MBD4: variants seen among roughly 807,000 people sequenced by gnomAD.
The protein encoded by MBD4 is methyl-CpG binding domain 4, DNA glycosylase.
MBD4 carries 53 observed loss-of-function variants against 60.2 expected under a neutral mutation model. The observed-to-expected ratio is 0.88, with a 90% CI of 0.71 to 1.11. The LOEUF is 1.11. MBD4 is among the 50% of genes least tolerant of loss of function. MBD4 has a pLI of 0.00. For synonymous variants in MBD4, 231 were observed against 229.8 expected, an observed-to-expected ratio of 1.01 and a Z score of -0.05; for missense variants, 619 against 674.0, an observed-to-expected ratio of 0.92 and a Z score of 0.90.
chr3:129,432,409 C>T, intron 7 of MBD4, 94 bp downstream of exon 7: 2 of 1,608,480 alleles, frequency 1.2e-6, no homozygotes, highest in African/African-American at 1.3e-5. Context: ...ACTGTAATAG[C>T]ATTTGTATCC....
At chr3:129,431,744 A>G (rs2072348755) in intron 7 of MBD4, among the ~76,000 whole-genome samples, 166 bp from the exon 8 acceptor site, 1 of 152,232 alleles carries the variant, frequency 6.6e-6, no homozygotes, top group Non-Finnish European at 1.5e-5. Context: ...ATTTTAAGTT[A>G]TACCTTATAT....
intron 6 of MBD4, 62 bp downstream of exon 6, chr3:129,433,036 G>C: frequency 6.3e-7 from 1 of 1,578,632 alleles, no homozygotes; most frequent in Non-Finnish European, 8.7e-7. Flanking sequence ...AAAGTTTAAG[G>C]TGTGGCTCTC....
chr3:129,437,511 C>T (rs547416999), intron 2 of MBD4, among the ~76,000 whole-genome samples: 18 of 152,284 alleles, frequency 1.2e-4, no homozygotes, highest in African/African-American at 3.1e-4. Context: ...TAAAATGCAA[C>T]CTACCCGTTA....
chr3:129,433,971 T>TG lies in MBD4; in HGVS notation c.1271dup (p.Arg425ThrfsTer3), dbSNP rs1559798766. 2 of 1,614,132 alleles carry TG rather than the reference T, an allele frequency of 1.2e-6. No individual in the cohort carries two copies. Among genetic ancestry groups the TG allele is most frequent in the South Asian group, 2.2e-5 (2 of 91,076 alleles). Reference sequence around the variant, plus strand: ...TCCATTTCTTAAAGGCTTTACGTCGTGGGGGGCTAAGAGCTAAACAAACAT... The same window carrying TG: ...TCCATTTCTTAAAGGCTTTACGTCGTGGGGGGGCTAAGAGCTAAACAAACAT... On this transcript the variant is annotated frameshift_variant, in exon 5 of 8. Transcript: ENST00000429544. LOFTEE classifies it high-confidence loss of function.
intron 5 of MBD4, 170 bp from the exon 6 acceptor site, chr3:129,433,417 T>G: frequency 1.4e-6 from 1 of 714,776 alleles, no homozygotes; most frequent in Non-Finnish European, 2.3e-6. Flanking sequence ...ACTTTCAGAA[T>G]CAAATGCCAA....
chr3:129,436,776 T>G lies in MBD4; in HGVS notation c.868A>C (p.Ile290Leu). ...TCACCACATGCTCCAGCATCAGAAA[T>G]GCAGACAGTTCTATCAAGCTGACTT... ...QKSQLDRTVC[I>L]SDAGACGETL... Residue 290 changes from isoleucine (I) to leucine (L), a missense_variant, in exon 3 of 8, where the codon ATT (isoleucine) becomes CTT (leucine). By Grantham distance (5) the Ile-to-Leu change is conservative. Transcript: ENST00000429544. The G allele has an allele frequency of 1.2e-6, 2 of 1,614,162 alleles. No individual in the cohort carries two copies. Among genetic ancestry groups the G allele is most frequent in the Non-Finnish European group, 1.7e-6 (2 of 1,180,018 alleles).
chr3:129,431,814 G>A (rs1329849721), intron 7 of MBD4, among the ~76,000 whole-genome samples: 1 of 152,196 alleles, frequency 6.6e-6, no homozygotes, highest in Non-Finnish European at 1.5e-5. Flanking sequence ...CCATGACTTA[G>A]AATGTGGGGT....
In MBD4 at chr3:129,439,828, G is replaced by GC; in HGVS notation, c.5dup (p.Thr3HisfsTer21). The GC allele has an allele frequency of 6.2e-7, 1 of 1,610,194 alleles. No homozygotes were observed. The highest frequency in any genetic ancestry group is 8.5e-7 in the Non-Finnish European group (1 of 1,177,952). The stretch of plus-strand genomic sequence containing the variant: ...GACTCAGACTCTCCAGCCCAGTCGT[G>GC]CCCATCGAGCAGGGTCCGGCTGCAG... On this transcript the variant is annotated frameshift_variant, in exon 1 of 8. Transcript: ENST00000429544. LOFTEE classifies it high-confidence loss of function.
Position 129,439,723 on chromosome 3 carries a change from A to G in MBD4, c.104+7T>C, listed in dbSNP as rs752885341. 3.9e-6 allele frequency: 6 copies of G among 1,551,194 alleles called. No homozygotes were observed. On this transcript the variant is annotated splice_region_variant and intron_variant, in intron 1 of 7. Coordinates refer to ENST00000429544, the MANE Select transcript of MBD4 (RefSeq NM_001276270.2). ...AAACTGAGGCCCAAAAGGGGACAGTAACTTACCGGAGGTCATTCGGCGGGT... is the reference window on the plus strand; with the variant it reads ...AAACTGAGGCCCAAAAGGGGACAGTGACTTACCGGAGGTCATTCGGCGGGT...
In MBD4 at chr3:129,435,827, G is replaced by A. The variant is rs3138346; in HGVS notation, c.1183+634C>T. Among the ~76,000 whole-genome samples the A allele has an allele frequency of 4.2e-3, 632 of 152,250 alleles. 5 individuals are homozygous for A. Among genetic ancestry groups the A allele is most frequent in the African/African-American group, 0.015 (615 of 41,544 alleles). ...GGTATTATAAAGACAAAACTGCTAAGTTCTGAATTCTGTATTAAGAGCATA... is the reference window on the plus strand; with the variant it reads ...GGTATTATAAAGACAAAACTGCTAAATTCTGAATTCTGTATTAAGAGCATA... On this transcript the variant is annotated intron_variant, in intron 3 of 7. Coordinates refer to ENST00000429544, the MANE Select transcript of MBD4 (RefSeq NM_001276270.2).
rs763211689 is a variant in MBD4 at position 129,436,773 on chromosome 3, A to C, written c.871T>G (p.Ser291Ala). ...GTCTCACCACATGCTCCAGCATCAGAAATGCAGACAGTTCTATCAAGCTGA... is the reference window on the plus strand; with the variant it reads ...GTCTCACCACATGCTCCAGCATCAGCAATGCAGACAGTTCTATCAAGCTGA... ...KSQLDRTVCISDAGACGETLS... is the reference protein window; with the variant it reads ...KSQLDRTVCIADAGACGETLS... Residue 291 changes from serine to alanine, a missense_variant, in exon 3 of 8, where the codon TCT (serine) becomes GCT (alanine). Physicochemically the swap from Ser to Ala is moderately conservative, Grantham distance 99 (BLOSUM62 1). Transcript: ENST00000429544. The C allele has an allele frequency of 6.2e-7, 1 of 1,614,116 alleles. No homozygotes were observed. The highest frequency in any genetic ancestry group is 1.1e-5 in the South Asian group (1 of 91,078).
Position 129,433,099 on chromosome 3 carries a change from T to A in MBD4, c.1542A>T (p.Ser514=). Residue 514 remains serine, a splice_region_variant and synonymous_variant, in exon 6 of 8, where the codon TCA becomes TCT. Coordinates refer to ENST00000429544, the MANE Select transcript of MBD4 (RefSeq NM_001276270.2). ...TCCTTTGGGTGTATAGGAAAATACC[T>A]GAGAACTTGACAATGGTTTTTGCCC... ...DLRAKTIVKF[S]DEYLTKQWKY... is the part of the protein sequence containing the mutation. 6.2e-7 allele frequency: 1 copy of A among 1,614,196 alleles called. No individual in the cohort carries two copies. The highest frequency in any genetic ancestry group is 8.5e-7 in the Non-Finnish European group (1 of 1,180,008).
At chr3:129,438,337 T>C (rs1398318321) in intron 1 of MBD4, among the ~76,000 whole-genome samples, 1 of 152,210 alleles carries the variant, frequency 6.6e-6, no homozygotes, top group East Asian at 1.9e-4. Flanking sequence ...CTGTCTTCTC[T>C]GCAAATAAAT....
In MBD4 at chr3:129,437,896, C is replaced by A; in HGVS notation, c.159G>T (p.Met53Ile). ...LERVGEDEEQ[M>I]MIKRSSECNP... is the part of the protein sequence containing the mutation. The stretch of plus-strand genomic sequence containing the variant: ...TACATTCACTGCTTCTTTTTATCAT[C>A]ATTTGTTCCTCATCTTCTCCCACTC... Residue 53 changes from methionine to isoleucine, a missense_variant, in exon 2 of 8, where the codon ATG (methionine) becomes ATT (isoleucine). Met to Ile is a conservative substitution (Grantham distance 10). Coordinates refer to ENST00000429544, the MANE Select transcript of MBD4 (RefSeq NM_001276270.2). The A allele has an allele frequency of 6.2e-7, 1 of 1,614,110 alleles. No individual in the cohort carries two copies.
intron 5 of MBD4, 97 bp from the exon 6 acceptor site, chr3:129,433,344 T>TG: frequency 7.2e-7 from 1 of 1,387,138 alleles, no homozygotes; most frequent in Non-Finnish European, 1.0e-6. Flanking sequence ...GAGGGTTTTT[T>TG]TTTTTAAAGA....
At chr3:129,432,151 T>C in intron 7 of MBD4, 3 of 1,310,636 alleles carry the variant, frequency 2.3e-6, no homozygotes, top group African/African-American at 3.0e-5. Context: ...ATGCATACAT[T>C]GCAGGCCCAA....
In MBD4 at chr3:129,431,273, TGGA is replaced by T; in HGVS notation, c.*225_*227del. On this transcript the variant is annotated 3_prime_UTR_variant, in exon 8 of 8. Transcript: ENST00000429544. ...ATCATTGGAAAAGCCGTATTTTTTTTGGATTGTTGTCAAATAATAATTTATTTT... is the reference window on the plus strand; with the variant it reads ...ATCATTGGAAAAGCCGTATTTTTTTTTTGTTGTCAAATAATAATTTATTTT... 2.0e-6 allele frequency: 1 copy of T among 498,706 alleles called. No homozygotes were observed. The allele number at this position is 498,706 out of a possible 1,614,324, so 30.9% of individuals were successfully genotyped here.
intron 3 of MBD4, among the ~76,000 whole-genome samples, chr3:129,434,532 A>G (rs2072421142): frequency 6.6e-6 from 1 of 152,254 alleles, no homozygotes; most frequent in African/African-American, 2.4e-5. Context: ...ATTACGATGC[A>G]TTTGTATAAT....
Position 129,439,791 on chromosome 3 carries a change from C to T in MBD4, c.43G>A (p.Gly15Arg), listed in dbSNP as rs1177046748. The T allele has an allele frequency of 6.2e-7, 1 of 1,610,044 alleles. No homozygotes were observed. The highest frequency in any genetic ancestry group is 1.7e-5 in the Admixed American group (1 of 59,552). ...GLESLSLGDRGAAPTVTSSER... is the reference protein window; with the variant it reads ...GLESLSLGDRRAAPTVTSSER... ...CTAGAGGTGACGGTGGGGGCAGCTC[C>T]GCGGTCCCCCAGACTCAGACTCTCC... is the stretch of plus-strand genomic sequence containing the variant. Residue 15 changes from glycine to arginine, a missense_variant, in exon 1 of 8, where the codon GGA becomes AGA. Physicochemically the swap from Gly to Arg is moderately radical, Grantham distance 125 (BLOSUM62 -2). Transcript: ENST00000429544.
Sources: allele counts gnomAD v4.1 joint callset (sites outside exome capture counted in the v4.1 genomes callset), GRCh38; gene constraint gnomAD v4.1.1; transcripts MANE v1.5; gene names NCBI Gene and HGNC (gene_info 2026-07-23, HGNC 2026-07-21).